ANKRD33B: variants seen among roughly 807,000 people sequenced by gnomAD.
The protein encoded by ANKRD33B is ankyrin repeat domain 33B.
Under a neutral mutation model 21.5 loss-of-function variants are expected in ANKRD33B, and 6 were observed. That is an observed-to-expected ratio of 0.28 (90% CI 0.15 to 0.55). The LOEUF (loss-of-function observed/expected upper bound fraction) is 0.55, where lower values mean the gene tolerates loss of function less well. Ranked by LOEUF, ANKRD33B falls within the 20% of genes least tolerant of loss-of-function variation. The pLI is 0.94. For synonymous variants in ANKRD33B, 347 were observed against 342.4 expected (o/e 1.01, Z -0.15); for missense variants, 698 against 747.2 (o/e 0.93, Z 0.77).
intron 2 of ANKRD33B, among the ~76,000 whole-genome samples, chr5:10,626,778 C>T (rs893251126): frequency 6.6e-6 from 1 of 152,186 alleles, no homozygotes; most frequent in Non-Finnish European, 1.5e-5. Flanking sequence ...AAAACATTTC[C>T]AGAAGGCTCC....
At chr5:10,626,671 C>T (rs1296910434) in intron 2 of ANKRD33B, among the ~76,000 whole-genome samples, 2 of 152,162 alleles carry the variant, frequency 1.3e-5, no homozygotes, top group African/African-American at 4.8e-5. Context: ...CCAAGGTGGC[C>T]CCAGCTGCTA....
At chr5:10,580,636 G>A (rs145090382) in intron 1 of ANKRD33B, among the ~76,000 whole-genome samples, 21 of 151,920 alleles carry the variant, frequency 1.4e-4, no homozygotes, top group South Asian at 6.3e-4. Flanking sequence ...TCCTGCCTCC[G>A]GTTTGGGGTG....
rs931676134 is a variant in ANKRD33B, at chr5:10,583,061, A to G, written c.366+18228A>G. On this transcript the variant is annotated intron_variant, in intron 1 of 3. Coordinates refer to ENST00000296657, the MANE Select transcript of ANKRD33B (RefSeq NM_001164440.2). ...GCCCAGGCTGGAGTGCAGTGGGGCA[A>G]TCTCGGCTAACTGCAACCTCCACCT... Among the ~76,000 whole-genome samples, 9 of 150,742 alleles carry G rather than the reference A, an allele frequency of 6.0e-5. No individual in the cohort carries two copies. The East Asian group carries it at 1.6e-3, about 26-fold the overall frequency.
chr5:10,638,611 G>A (rs905060342), intron 3 of ANKRD33B, among the ~76,000 whole-genome samples: 12 of 152,252 alleles, frequency 7.9e-5, no homozygotes, highest in African/African-American at 2.9e-4. Context: ...GTAACGTTAG[G>A]AGGTGATGTG....
chr5:10,578,201 T>C (rs1452306888), intron 1 of ANKRD33B, among the ~76,000 whole-genome samples: 3 of 152,150 alleles, frequency 2.0e-5, no homozygotes, highest in Admixed American at 6.5e-5. Context: ...GGTTTTTTGT[T>C]TTTAGCACTG....
chr5:10,575,412 G>A (rs1411475693), intron 1 of ANKRD33B, among the ~76,000 whole-genome samples: 5 of 10,638 alleles, frequency 4.7e-4, no homozygotes, highest in Non-Finnish European at 1.7e-3. Context: ...GCAACAGAGC[G>A]AGACTGTCTC....
rs1330760028 is a variant in ANKRD33B at position 10,619,411 on chromosome 5, C to CT, written c.496+950dup. ...GATTCTGGTTGGGAAATGGCTGTTG[C>CT]TGTCACCAAAAGGAGACCTCCTTGT... On this transcript the variant is annotated intron_variant, in intron 2 of 3. Coordinates refer to ENST00000296657, the MANE Select transcript of ANKRD33B (RefSeq NM_001164440.2). The surrounding 1 kb of genome is among the most constrained non-coding windows in gnomAD (Gnocchi z 4.5). 1 of 982,518 alleles carries CT rather than the reference C, an allele frequency of 1.0e-6. No homozygotes were observed. Among genetic ancestry groups the CT allele is most frequent in the Non-Finnish European group, 1.2e-6 (1 of 827,428 alleles). 60.9% of individuals were successfully genotyped at this position (982,518 alleles called of 1,614,324 possible). A position where few individuals can be genotyped will look rare whatever the true frequency, so the allele number is the denominator to read the frequency against.
chr5:10,592,073 GGTGT>G lies in ANKRD33B; in HGVS notation c.367-26237_367-26234del, dbSNP rs55668434. On this transcript the variant is annotated intron_variant, in intron 1 of 3. Coordinates refer to ENST00000296657, the MANE Select transcript of ANKRD33B (RefSeq NM_001164440.2). ...CTTTTGTATTATCTTTTGATTTTAT[GGTGT>G]GTGTGTGTGTGTGTGTGTGTGTTTA... Among the ~76,000 whole-genome samples the G allele has an allele frequency of 1.9e-3, 286 of 150,008 alleles. 1 individual carries two copies. The highest frequency in any genetic ancestry group is 4.5e-3 in the African/African-American group (185 of 40,846).
chr5:10,630,806 G>C (rs1477700225), intron 2 of ANKRD33B, among the ~76,000 whole-genome samples: 1 of 151,518 alleles, frequency 6.6e-6, no homozygotes, highest in Admixed American at 6.6e-5. Flanking sequence ...CCAGGAGGCT[G>C]AGGTTGCAGT....
At chr5:10,610,410 C>G (rs545061051) in intron 1 of ANKRD33B, among the ~76,000 whole-genome samples, 2 of 152,116 alleles carry the variant, frequency 1.3e-5, no homozygotes, top group South Asian at 4.1e-4. Context: ...AGCCCCCCCC[C>G]CGAATAAAGA....
chr5:10,643,955 T>C (rs1737132278), intron 3 of ANKRD33B, among the ~76,000 whole-genome samples: 1 of 151,506 alleles, frequency 6.6e-6, no homozygotes, highest in Admixed American at 6.6e-5. Flanking sequence ...CTTACAGTTC[T>C]CCCAAGAAAA....
At chr5:10,638,234 T>C in intron 3 of ANKRD33B, 66 bp downstream of exon 3, 1 of 1,499,814 alleles carries the variant, frequency 6.7e-7, no homozygotes, top group Non-Finnish European at 8.9e-7. Context: ...CTTTATGGAA[T>C]ATGTTTTGAG....
rs528675037 is a variant in ANKRD33B at position 10,657,641 on chromosome 5, A to G, written c.*7528A>G. On this transcript the variant is annotated 3_prime_UTR_variant, in exon 4 of 4. Coordinates refer to ENST00000296657, the MANE Select transcript of ANKRD33B (RefSeq NM_001164440.2). ...CAGCAGCTTCAATTTTTGATATTCA[A>G]AAAGTTAATAATCTTTAAGCTAAAT... is the stretch of plus-strand genomic sequence containing the variant. The G allele has an allele frequency of 2.0e-5, 3 of 152,438 alleles. No individual in the cohort carries two copies. The highest frequency in any genetic ancestry group is 6.5e-5 in the Admixed American group (1 of 15,310). 9.4% of individuals were successfully genotyped at this position (152,438 alleles called of 1,614,324 possible). A position where few individuals can be genotyped will look rare whatever the true frequency, so the allele number is the denominator to read the frequency against.
intron 1 of ANKRD33B, among the ~76,000 whole-genome samples, chr5:10,611,264 T>G (rs972647430): frequency 1.3e-5 from 2 of 152,212 alleles, no homozygotes; most frequent in African/African-American, 4.8e-5. Flanking sequence ...CCTTTGTTAA[T>G]GTTACCAATG....
Position 10,646,887 on chromosome 5 carries a change from TGGGCCAACA to T in ANKRD33B, c.638-2376_638-2368del, listed in dbSNP as rs559081759. Among the ~76,000 whole-genome samples, 194 of 152,330 alleles carry T rather than the reference TGGGCCAACA, an allele frequency of 1.3e-3. 1 individual carries two copies. Among genetic ancestry groups the T allele is most frequent in the Non-Finnish European group, 1.3e-4 (9 of 68,028 alleles). ...GTCTGCCAGAGCCATGAGGCCACTG[TGGGCCAACA>T]GGCCAGGGCAGTGGCTGGGGACCCG... On this transcript the variant is annotated intron_variant, in intron 3 of 3. Coordinates refer to ENST00000296657, the MANE Select transcript of ANKRD33B (RefSeq NM_001164440.2).
chr5:10,593,192 C>T (rs959232782), intron 1 of ANKRD33B, among the ~76,000 whole-genome samples: 1 of 137,508 alleles, frequency 7.3e-6, no homozygotes, highest in Non-Finnish European at 1.7e-5. Flanking sequence ...TATTATAACA[C>T]TACAGCTATT....
chr5:10,613,165 T>G (rs1425549131), intron 1 of ANKRD33B, among the ~76,000 whole-genome samples: 5 of 152,160 alleles, frequency 3.3e-5, no homozygotes, highest in African/African-American at 1.2e-4. Context: ...GGCTCCCGCT[T>G]CTTCTTCTGC....
chr5:10,637,425 G>GACACAC (rs59222148), intron 2 of ANKRD33B, among the ~76,000 whole-genome samples: 11,183 of 100,208 alleles, frequency 0.11, 778 homozygotes, highest in Middle Eastern at 0.12. Context: ...TAGGTAGTTA[G>GACACAC]ACACACACAC....
intron 1 of ANKRD33B, among the ~76,000 whole-genome samples, chr5:10,595,003 T>A (rs1735788210): frequency 6.6e-6 from 1 of 152,134 alleles, no homozygotes; most frequent in Non-Finnish European, 1.5e-5. Context: ...GTCCTGGGCT[T>A]TTCCTATGGC....
Sources: gnomAD v4.1 joint callset for allele counts (sites outside exome capture counted in the v4.1 genomes callset) on GRCh38, gnomAD v4.1.1 for gene constraint, Gnocchi (gnomAD v3.1) non-coding constraint, MANE v1.5 for transcripts, NCBI Gene and HGNC (gene_info 2026-07-23, HGNC 2026-07-21) for gene names.